The following CD36 variants were observed in gnomAD, a reference collection of about 807,000 sequenced individuals.
CD36 encodes the protein CD36 molecule (CD36 blood group).
A neutral mutation model predicts 55.2 loss-of-function variants in CD36; 119 were observed. That is an observed-to-expected ratio of 2.15 (90% confidence interval 1.86 to 2.51). The LOEUF is 2.51. Among genes scored for constraint, CD36 ranks in the 30% most tolerant of loss-of-function variants. CD36 has a pLI of 0.00. For missense variants in CD36, 819 were observed against 555.5 expected (o/e 1.47, Z -4.77); for synonymous variants, 186 against 193.6 (o/e 0.96, Z 0.33).
intron 9 of CD36, chr7:80,670,313 A>C (rs1188406321): frequency 4.9e-6 from 2 of 411,040 alleles, no homozygotes; most frequent in Non-Finnish European, 9.0e-6. Context: ...AAGATGATGC[A>C]AATGTAACAG....
upstream of CD36, among the ~76,000 whole-genome samples, chr7:80,636,630 T>C (rs1311755578): frequency 1.2e-4 from 18 of 152,076 alleles, no homozygotes; most frequent in Admixed American, 6.6e-4. Context: ...TCCAGTGTTA[T>C]AGTGGATTTA....
At position 80,671,023 on chromosome 7, in the gene CD36, C is replaced by A. The variant is rs551568553; in HGVS notation, c.865C>A (p.Pro289Thr). ...ATCCGACGTTAATCTGAAAGGAATC[C>A]CTGTGTATAGATTTGTTCTTCCATC... ...FESDVNLKGI[P>T]VYRFVLPSKA... The change falls in exon 10 of 15, where the codon CCT becomes ACT. Residue 289 changes from proline to threonine, a missense_variant. Transcript: ENST00000447544. 3 of 1,613,240 alleles carry A rather than the reference C, an allele frequency of 1.9e-6. No individual in the cohort carries two copies. Among genetic ancestry groups the A allele is most frequent in the Admixed American group, 1.7e-5 (1 of 59,998 alleles).
chr7:80,667,751 T>TC (rs1194471810), intron 8 of CD36, among the ~76,000 whole-genome samples: 1 of 109,302 alleles, frequency 9.1e-6, no homozygotes, highest in Non-Finnish European at 2.1e-5. Flanking sequence ...TCTTTTGTTT[T>TC]TTTTTTTTTT....
At chr7:80,620,391 T>G (rs1793398856) in intron 1 of CD36, among the ~76,000 whole-genome samples, 1 of 152,162 alleles carries the variant, frequency 6.6e-6, no homozygotes, top group Non-Finnish European at 1.5e-5. Flanking sequence ...TTTGATTAAT[T>G]TGCTTGAAGC....
chr7:80,673,721 A>G (rs2116909201), intron 13 of CD36: 1 of 567,164 alleles, frequency 1.8e-6, no homozygotes, highest in South Asian at 2.2e-5. Flanking sequence ...AAAACATTGA[A>G]TAAGTCTTTG....
At chr7:80,637,769 T>C (rs1219490457), upstream of CD36, among the ~76,000 whole-genome samples, 1 of 152,104 alleles carries the variant, frequency 6.6e-6, no homozygotes, top group African/African-American at 2.4e-5. Flanking sequence ...AGCTCTCCTA[T>C]CAAATACATG....
intron 4 of CD36, among the ~76,000 whole-genome samples, chr7:80,658,235 A>G (rs1399245255): frequency 1.3e-5 from 2 of 152,160 alleles, no homozygotes; most frequent in African/African-American, 4.8e-5. Context: ...CTATACAAGT[A>G]TCTTGTTGCA....
chr7:80,660,588 T>C (rs1048071626), intron 4 of CD36, among the ~76,000 whole-genome samples: 1 of 152,180 alleles, frequency 6.6e-6, no homozygotes, highest in Non-Finnish European at 1.5e-5. Context: ...TTATTTCCAC[T>C]ACTCTCCTCA....
At chr7:80,617,482 T>G (rs754254824) in intron 1 of CD36, among the ~76,000 whole-genome samples, 13 of 152,106 alleles carry the variant, frequency 8.5e-5, no homozygotes, top group Non-Finnish European at 1.2e-4. Flanking sequence ...ATCCCAGCAC[T>G]TTGGGAGCCT....
chr7:80,628,573 T>C (rs1478094943), intron 1 of CD36, among the ~76,000 whole-genome samples: 1 of 152,072 alleles, frequency 6.6e-6, no homozygotes. Flanking sequence ...ACTGCACTCA[T>C]GAGCTAGAAG....
At chr7:80,615,412 C>A (rs1315309476) in intron 1 of CD36, among the ~76,000 whole-genome samples, 4 of 152,138 alleles carry the variant, frequency 2.6e-5, no homozygotes, top group African/African-American at 9.7e-5. Flanking sequence ...CCCTGAAAAC[C>A]ATTTTTGTAC....
chr7:80,657,773 G>T (rs1796206586), intron 4 of CD36, among the ~76,000 whole-genome samples: 1 of 152,188 alleles, frequency 6.6e-6, no homozygotes. Context: ...TTCTGCTATA[G>T]AATTTGTTAC....
Position 80,671,063 on chromosome 7 carries a change from C to T in CD36, c.905C>T (p.Ser302Phe). The T allele has an allele frequency of 1.9e-6, 3 of 1,612,396 alleles. No homozygotes were observed. Among genetic ancestry groups the T allele is most frequent in the South Asian group, 1.1e-5 (1 of 91,042 alleles). Residue 302 changes from serine (S) to phenylalanine (F), a missense_variant, in exon 10 of 15, where the codon TCT becomes TTT. Coordinates refer to ENST00000447544, the MANE Select transcript of CD36 (RefSeq NM_001001548.3). Reference sequence around the variant, plus strand: ...GTTCTTCCATCCAAGGCCTTTGCCTCTCCAGTTGAAAACCCAGACAACTAT... The same window carrying T: ...GTTCTTCCATCCAAGGCCTTTGCCTTTCCAGTTGAAAACCCAGACAACTAT... ...RFVLPSKAFA[S>F]PVENPDNYCF...
chr7:80,605,781 G>A (rs1257395682), intron 1 of CD36, among the ~76,000 whole-genome samples: 1 of 152,162 alleles, frequency 6.6e-6, no homozygotes, highest in East Asian at 1.9e-4. Context: ...CTCCTGGGAA[G>A]ACCTTTAATT....
chr7:80,634,014 G>A (rs1180573095), upstream of CD36, among the ~76,000 whole-genome samples: 1 of 151,988 alleles, frequency 6.6e-6, no homozygotes, highest in East Asian at 1.9e-4. Flanking sequence ...CAAAGATTTT[G>A]AGAAAAATAT....
chr7:80,637,930 C>A (rs1402500576), upstream of CD36, among the ~76,000 whole-genome samples: 1 of 149,442 alleles, frequency 6.7e-6, no homozygotes, highest in Admixed American at 6.7e-5. Flanking sequence ...TTGAAAGTGA[C>A]TTAAGTACTA....
chr7:80,613,984 A>G (rs1325497297), intron 1 of CD36, among the ~76,000 whole-genome samples: 1 of 152,148 alleles, frequency 6.6e-6, no homozygotes, highest in East Asian at 1.9e-4. Context: ...ATAAACATTT[A>G]TTATTTTTCT....
intron 1 of CD36, among the ~76,000 whole-genome samples, chr7:80,609,675 G>T (rs565717464): frequency 4.6e-5 from 7 of 152,264 alleles, no homozygotes; most frequent in African/African-American, 1.7e-4. Flanking sequence ...CAATGTAATT[G>T]GGGGGAATAA....
At position 80,646,975 on chromosome 7, in the gene CD36, A is replaced by C. The variant is rs1391790546; in HGVS notation, c.120+115A>C. On this transcript the variant is annotated intron_variant, in intron 3 of 14. Transcript: ENST00000447544. ...GGTAACTGCTAATTTTGTATCTTTG[A>C]CATAAAGGTAATTATGAACCACTGC... 3.5e-5 allele frequency: 41 copies of C among 1,161,890 alleles called. 1 individual carries two copies. The highest frequency in any genetic ancestry group is 4.3e-5 in the Non-Finnish European group (34 of 782,138). The allele number at this position is 1,161,890 out of a possible 1,614,324, so 72.0% of individuals were successfully genotyped here.
Sources: gnomAD v4.1 joint callset for allele counts (sites outside exome capture counted in the v4.1 genomes callset) on GRCh38, gnomAD v4.1.1 for gene constraint, MANE v1.5 for transcripts, NCBI Gene and HGNC (gene_info 2026-07-23, HGNC 2026-07-21) for gene names.